TXNDC11: variants seen among roughly 807,000 people sequenced by gnomAD.
The protein encoded by TXNDC11 is thioredoxin domain-containing protein 11.
TXNDC11 carries 68 observed loss-of-function variants against 78.0 expected under a neutral mutation model. That is an observed-to-expected ratio of 0.87 (90% CI 0.72 to 1.07). The LOEUF is 1.07. TXNDC11 is among the 50% of genes least tolerant of loss of function. The pLI is 0.00. For missense variants in TXNDC11, 1,389 were observed against 1,221.8 expected (o/e 1.14, Z -2.04); for synonymous variants, 571 against 495.2 (o/e 1.15, Z -2.03).
intron 5 of TXNDC11, among the ~76,000 whole-genome samples, chr16:11,705,535 T>A (rs748264116): frequency 6.6e-6 from 1 of 152,176 alleles, no homozygotes; most frequent in African/African-American, 2.4e-5. Flanking sequence ...ATTCATTTGA[T>A]AGCCTGCCAA....
chr16:11,711,117 G>A (rs1396833533), intron 5 of TXNDC11, among the ~76,000 whole-genome samples: 4 of 151,964 alleles, frequency 2.6e-5, no homozygotes, highest in African/African-American at 9.7e-5. Flanking sequence ...ATTAGGCAGG[G>A]AAAAACATTA....
intron 5 of TXNDC11, among the ~76,000 whole-genome samples, chr16:11,701,043 T>C (rs1011357208): frequency 1.3e-5 from 2 of 152,108 alleles, no homozygotes; most frequent in Non-Finnish European, 2.9e-5. Flanking sequence ...GTACTCCCTT[T>C]ACCAATTACC....
chr16:11,703,529 CA>C (rs2051093689), intron 5 of TXNDC11: 1 of 539,676 alleles, frequency 1.9e-6, no homozygotes. Flanking sequence ...CACACACACA[CA>C]CACACACACA....
chr16:11,711,149 C>T (rs2051340594), intron 5 of TXNDC11, among the ~76,000 whole-genome samples: 1 of 151,620 alleles, frequency 6.6e-6, no homozygotes, highest in African/African-American at 2.4e-5. Flanking sequence ...GTATCACAGG[C>T]AAAGCCAAGA....
At chr16:11,704,229 A>G (rs892219262) in intron 5 of TXNDC11, among the ~76,000 whole-genome samples, 2 of 152,256 alleles carry the variant, frequency 1.3e-5, no homozygotes, top group Non-Finnish European at 2.9e-5. Flanking sequence ...GACAGTACAC[A>G]GAATAAGATA....
intron 5 of TXNDC11, among the ~76,000 whole-genome samples, chr16:11,717,434 G>GAA (rs58884197): frequency 0.021 from 1,293 of 62,270 alleles, 34 homozygotes; most frequent in African/African-American, 0.041. Context: ...GACTCCAAAT[G>GAA]AAAAAAAAAA....
chr16:11,682,686 C>T (rs867950509), intron 11 of TXNDC11, among the ~76,000 whole-genome samples: 2 of 152,164 alleles, frequency 1.3e-5, no homozygotes, highest in South Asian at 2.1e-4. Flanking sequence ...CTGGCCCACA[C>T]AGATGAAAGT....
intron 1 of TXNDC11, among the ~76,000 whole-genome samples, chr16:11,741,513 G>A (rs925356202): frequency 3.3e-5 from 5 of 152,054 alleles, no homozygotes; most frequent in Admixed American, 2.0e-4. Flanking sequence ...TCGCTCTACC[G>A]TGGACACGCT....
chr16:11,696,149 C>T (rs1197933376), intron 7 of TXNDC11, among the ~76,000 whole-genome samples: 1 of 152,138 alleles, frequency 6.6e-6, no homozygotes, highest in Non-Finnish European at 1.5e-5. Flanking sequence ...TTAGCCCTTC[C>T]TGCAGACCAC....
rs1406950815 is a variant in TXNDC11 at position 11,742,790 on chromosome 16, C to G, written c.-60G>C. ...CGCCGCCTCGGGCCCGAAGGCCCGGCCCGGCCCGTTGCTCCCCAATCCCGC... is the reference window on the plus strand; with the variant it reads ...CGCCGCCTCGGGCCCGAAGGCCCGGGCCGGCCCGTTGCTCCCCAATCCCGC... On this transcript the variant is annotated 5_prime_UTR_variant, in exon 1 of 12. Coordinates refer to ENST00000283033, the MANE Select transcript of TXNDC11 (RefSeq NM_015914.7). 10 of 1,396,956 alleles carry G rather than the reference C, an allele frequency of 7.2e-6. No homozygotes were observed. In the African/African-American group the frequency reaches 1.5e-4, roughly 21 times the overall value. The allele number at this position is 1,396,956 out of a possible 1,614,324, so 86.5% of individuals were successfully genotyped here.
chr16:11,706,543 A>G (rs1319612893), intron 5 of TXNDC11, among the ~76,000 whole-genome samples: 1 of 152,234 alleles, frequency 6.6e-6, no homozygotes, highest in East Asian at 1.9e-4. Flanking sequence ...GCTTTGACTC[A>G]TGAAATCTTG....
chr16:11,695,819 G>GC (rs1364640584), intron 7 of TXNDC11, among the ~76,000 whole-genome samples: 12 of 152,096 alleles, frequency 7.9e-5, no homozygotes, highest in Non-Finnish European at 1.5e-5. Context: ...GATCGCTTGA[G>GC]CCCAGGGCTT....
intron 5 of TXNDC11, among the ~76,000 whole-genome samples, chr16:11,701,965 T>G (rs528447144): frequency 1.3e-5 from 2 of 150,360 alleles, no homozygotes; most frequent in Non-Finnish European, 3.0e-5. Context: ...TTAAAAACAA[T>G]GAGGCAGGAC....
intron 3 of TXNDC11, among the ~76,000 whole-genome samples, chr16:11,731,645 A>T (rs545727112): frequency 6.6e-6 from 1 of 152,128 alleles, no homozygotes; most frequent in African/African-American, 2.4e-5. Flanking sequence ...AGAATTTTAT[A>T]AAGGCTGTGA....
rs138772392 is a variant in TXNDC11 at position 11,704,888 on chromosome 16, C to G, written c.794-4324G>C. ...AGGTCTGCAGTTTAGTGAATAGGAC[C>G]GAACCAATGTTAACTTCTTTTTCTT... is the stretch of plus-strand genomic sequence containing the variant. On this transcript the variant is annotated intron_variant, in intron 5 of 11. Transcript: ENST00000283033. Among the ~76,000 whole-genome samples, 16 of 151,070 alleles carry G rather than the reference C, an allele frequency of 1.1e-4. No individual in the cohort carries two copies. In the East Asian group the frequency reaches 3.1e-3, roughly 29 times the overall value.
Position 11,742,703 on chromosome 16 carries a change from C to A in TXNDC11, c.28G>T (p.Gly10Cys). The A allele has an allele frequency of 6.8e-7, 1 of 1,473,688 alleles. No individual in the cohort carries two copies. The highest frequency in any genetic ancestry group is 8.9e-7 in the Non-Finnish European group (1 of 1,121,642). 91.3% of individuals were successfully genotyped at this position (1,473,688 alleles called of 1,614,324 possible). A position where few individuals can be genotyped will look rare whatever the true frequency, so the allele number is the denominator to read the frequency against. The change falls in exon 1 of 12, where the codon GGC (glycine) becomes TGC (cysteine). Residue 10 changes from glycine (G) to cysteine (C), a missense_variant. Gly to Cys is a radical substitution (Grantham distance 159). Transcript: ENST00000283033. MSECGGRGG[G>C]SSSSEDAEDE... Reference sequence around the variant, plus strand: ...TCGGCGTCCTCGCTGCTGCTGCTGCCGCCGCCGCGGCCTCCGCATTCCGAC... The same window carrying A: ...TCGGCGTCCTCGCTGCTGCTGCTGCAGCCGCCGCGGCCTCCGCATTCCGAC...
intron 5 of TXNDC11, among the ~76,000 whole-genome samples, chr16:11,713,684 G>A (rs2051435568): frequency 6.6e-6 from 1 of 152,088 alleles, no homozygotes. Flanking sequence ...CCAAAGTGCT[G>A]GGATTACAGG....
intron 5 of TXNDC11, among the ~76,000 whole-genome samples, chr16:11,711,265 C>T (rs2051346463): frequency 6.6e-6 from 1 of 152,188 alleles, no homozygotes; most frequent in African/African-American, 2.4e-5. Context: ...GGGTTCTCAT[C>T]TCAGCTCCTG....
At chr16:11,691,028 A>G in intron 8 of TXNDC11, 2 of 479,262 alleles carry the variant, frequency 4.2e-6, no homozygotes. Context: ...GAAATCGCCA[A>G]TTTAGAAAGT....
Sources: allele counts gnomAD v4.1 joint callset (sites outside exome capture counted in the v4.1 genomes callset), GRCh38; gene constraint gnomAD v4.1.1; transcripts MANE v1.5; gene names NCBI Gene and HGNC (gene_info 2026-07-23, HGNC 2026-07-21).